Variants in CFAP46 observed in about 807,000 individuals in gnomAD.
The protein encoded by CFAP46 is cilia- and flagella-associated protein 46.
CFAP46 carries 245 observed loss-of-function variants against 325.7 expected under a neutral mutation model. That is an observed-to-expected ratio of 0.75 (90% CI 0.68 to 0.84). The LOEUF (loss-of-function observed/expected upper bound fraction) is 0.84. Ranked by LOEUF, CFAP46 falls within the 40% of genes least tolerant of loss-of-function variation. The pLI is 0.00. For synonymous variants in CFAP46, 1,523 were observed against 1,495.9 expected (o/e 1.02, Z -0.42); for missense variants, 3,346 against 3,543.0 (o/e 0.94, Z 1.41).
intron 8 of CFAP46, among the ~76,000 whole-genome samples, chr10:132,933,549 G>A (rs1849946546): frequency 6.6e-6 from 1 of 152,206 alleles, no homozygotes. Flanking sequence ...ACATCCCCAT[G>A]TACACATGCA....
chr10:132,899,457 C>A (rs1340450406), intron 23 of CFAP46, 78 bp downstream of exon 23: 3 of 1,460,024 alleles, frequency 2.1e-6, no homozygotes, highest in African/African-American at 1.4e-5. Context: ...ACAGGATGGG[C>A]CACAGCCTTG....
intron 33 of CFAP46, among the ~76,000 whole-genome samples, chr10:132,868,616 G>A (rs1290232881): frequency 5.9e-5 from 9 of 152,340 alleles, no homozygotes; most frequent in Admixed American, 2.0e-4. Context: ...CGAAATGGCC[G>A]GAAGAGCATG....
Position 132,847,008 on chromosome 10 carries a change from G to A in CFAP46, c.6191C>T (p.Ala2064Val). 6.2e-7 allele frequency: 1 copy of A among 1,610,572 alleles called. No homozygotes were observed. The highest frequency in any genetic ancestry group is 1.1e-5 in the South Asian group (1 of 90,892). The part of the protein sequence containing the change: ...LGSGLLDVAA[A>V]ASLEMVECVG... The stretch of plus-strand genomic sequence containing the variant: ...ACACTCCACCATCTCCAGGCTGGCG[G>A]CTGCTGCGACATCCAGGAGGCCACT... Residue 2064 changes from alanine to valine, a missense_variant, in exon 43 of 58, where the codon GCC becomes GTC. Physicochemically the swap from Ala to Val is moderately conservative, Grantham distance 64. Transcript: ENST00000368586. The surrounding 1 kb of genome is among the most constrained non-coding windows in gnomAD (Gnocchi z 5.2).
At chr10:132,818,948 T>C (rs1847746506) in intron 50 of CFAP46, among the ~76,000 whole-genome samples, 1 of 151,584 alleles carries the variant, frequency 6.6e-6, no homozygotes, top group Admixed American at 6.6e-5. Flanking sequence ...CTCTTATATA[T>C]ACAAGACCTC....
At chr10:132,831,220 C>CTGTGTGTGTGTGTG (rs56965336) in intron 50 of CFAP46, among the ~76,000 whole-genome samples, 5,858 of 148,122 alleles carry the variant, frequency 0.04, 192 homozygotes, top group African/African-American at 0.082. Flanking sequence ...GTCAAATGTT[C>CTGTGTGTGTGTGTG]TGTGTGTGTG....
At chr10:132,894,049 T>C (rs1346552780) in intron 24 of CFAP46, among the ~76,000 whole-genome samples, 1 of 152,214 alleles carries the variant, frequency 6.6e-6, no homozygotes, top group Non-Finnish European at 1.5e-5. Flanking sequence ...TTGAGGTTGC[T>C]GCAGCCCCCT....
chr10:132,885,773 A>G (rs1564789770), intron 26 of CFAP46, 48 bp downstream of exon 26: 2 of 1,379,682 alleles, frequency 1.4e-6, no homozygotes, highest in East Asian at 2.6e-5. Context: ...TGGGGGGAGC[A>G]CTCAGGCGGT....
intron 35 of CFAP46, among the ~76,000 whole-genome samples, chr10:132,865,556 G>C (rs960720054): frequency 1.2e-4 from 18 of 152,226 alleles, no homozygotes; most frequent in African/African-American, 4.1e-4. Flanking sequence ...GGGACCGTAA[G>C]GGTCCCATCC....
At chr10:132,908,936 C>T (rs1399262610) in intron 21 of CFAP46, among the ~76,000 whole-genome samples, 1 of 152,200 alleles carries the variant, frequency 6.6e-6, no homozygotes, top group Non-Finnish European at 1.5e-5. Flanking sequence ...GTTTGCCTCG[C>T]ACCAGGAGAC....
At chr10:132,824,043 GATGTGTGC>G (rs1403030135) in intron 50 of CFAP46, among the ~76,000 whole-genome samples, 16 of 130,224 alleles carry the variant, frequency 1.2e-4, no homozygotes, top group African/African-American at 4.2e-4. Context: ...GATGTGTGCT[GATGTGTGC>G]TGTGTGTGCT....
chr10:132,820,232 C>T (rs749990479), intron 50 of CFAP46, among the ~76,000 whole-genome samples: 33 of 152,186 alleles, frequency 2.2e-4, no homozygotes, highest in African/African-American at 5.8e-4. Flanking sequence ...GAGGACATCA[C>T]GCAAAGTGAA....
At chr10:132,934,167 C>T (rs1354979947) in intron 8 of CFAP46, among the ~76,000 whole-genome samples, 2 of 152,212 alleles carry the variant, frequency 1.3e-5, no homozygotes, top group African/African-American at 2.4e-5. Context: ...CCCATATCAA[C>T]AAGCTTTACT....
intron 39 of CFAP46, among the ~76,000 whole-genome samples, chr10:132,857,348 C>T (rs1023348307): frequency 6.6e-6 from 1 of 152,218 alleles, no homozygotes; most frequent in Non-Finnish European, 1.5e-5. Context: ...CCTGAGCCGC[C>T]GTGGTGAGCT....
rs1296137631 is a variant in CFAP46, at chr10:132,859,191, T to C, written c.5255A>G (p.Glu1752Gly). 9 of 1,550,336 alleles carry C rather than the reference T, an allele frequency of 5.8e-6. No homozygotes were observed. Among genetic ancestry groups the C allele is most frequent in the Non-Finnish European group, 7.0e-6 (8 of 1,147,000 alleles). Residue 1752 changes from glutamate to glycine, a missense_variant, in exon 38 of 58, where the codon GAG becomes GGG. Transcript: ENST00000368586. ...AQHSAVTEPT[E>G]CSLLLKEMDD... ...CATCTCTTTCAGTAGCAACGAGCAC[T>C]CTGTGGGTTCAGTGACCGCTGAGTG...
chr10:132,934,073 T>G (rs984546067), intron 8 of CFAP46, among the ~76,000 whole-genome samples: 1 of 152,242 alleles, frequency 6.6e-6, no homozygotes, highest in Non-Finnish European at 1.5e-5. Context: ...TTGTGGGTAC[T>G]TGTTACGCAG....
chr10:132,935,666 C>A (rs1849988131), intron 7 of CFAP46, among the ~76,000 whole-genome samples: 1 of 139,596 alleles, frequency 7.2e-6, no homozygotes. Flanking sequence ...CCCAAACACA[C>A]TGAGATCTCC....
At chr10:132,859,345 G>T in intron 37 of CFAP46, 98 bp from the exon 38 acceptor site, 1 of 1,061,516 alleles carries the variant, frequency 9.4e-7, no homozygotes, top group Non-Finnish European at 1.3e-6. Context: ...GTTCATCCAG[G>T]GATGCTCGGA....
At chr10:132,912,955 G>A (rs956415863) in intron 18 of CFAP46, 91 bp downstream of exon 18, 2 of 1,491,314 alleles carry the variant, frequency 1.3e-6, no homozygotes, top group African/African-American at 1.4e-5. Flanking sequence ...GGGACACAGA[G>A]GGCCATGGAG....
chr10:132,824,373 AGTGCTGATGTGTGCTGTGT>A (rs1302484908), intron 50 of CFAP46, among the ~76,000 whole-genome samples: 180 of 61,180 alleles, frequency 2.9e-3, no homozygotes, highest in Non-Finnish European at 4.5e-3. Context: ...GTGCTGTGTG[AGTGCTGATGTGTGCTGTGT>A]GTGCTGATGT....
Sources: allele counts gnomAD v4.1 joint callset (sites outside exome capture counted in the v4.1 genomes callset), GRCh38; gene constraint gnomAD v4.1.1; non-coding constraint Gnocchi (gnomAD v3.1); transcripts MANE v1.5; gene names NCBI Gene and HGNC (gene_info 2026-07-23, HGNC 2026-07-21).